The following CALN1 variants were observed in gnomAD, a reference collection of about 807,000 sequenced individuals.
CALN1 encodes the protein calneuron 1, also known as calcium-binding protein 8.
Under a neutral mutation model 30.6 loss-of-function variants are expected in CALN1, and 17 were observed. The ratio of observed to expected loss-of-function variants is 0.56; its 90% CI spans 0.38 to 0.83. The LOEUF is 0.83. Among genes scored for constraint, CALN1 ranks in the 40% least tolerant of loss-of-function variants. The pLI is 0.00. For synonymous variants in CALN1, 156 were observed against 131.4 expected (o/e 1.19, Z -1.28); for missense variants, 291 against 354.9 (o/e 0.82, Z 1.45).
intron 2 of CALN1, among the ~76,000 whole-genome samples, chr7:72,355,037 T>G (rs1024713173): frequency 6.6e-6 from 1 of 152,046 alleles, no homozygotes; most frequent in Non-Finnish European, 1.5e-5. Flanking sequence ...AGCCCCGGAA[T>G]AGCTGGGACT....
At chr7:72,242,551 A>AG (rs1208463851) in intron 3 of CALN1, among the ~76,000 whole-genome samples, 1 of 152,180 alleles carries the variant, frequency 6.6e-6, no homozygotes, top group Non-Finnish European at 1.5e-5. Context: ...AAATGATCAT[A>AG]CCTTCAGGGA....
chr7:71,998,550 A>G (rs1324570557), intron 5 of CALN1, among the ~76,000 whole-genome samples: 5 of 151,866 alleles, frequency 3.3e-5, no homozygotes, highest in African/African-American at 1.2e-4. Flanking sequence ...AGCAACCACT[A>G]CAAAAACTAT....
intron 3 of CALN1, among the ~76,000 whole-genome samples, chr7:72,168,805 A>AT (rs3030351): frequency 0.042 from 5,379 of 128,400 alleles, 300 homozygotes; most frequent in East Asian, 0.12. Flanking sequence ...TATTATTATT[A>AT]TTTTTTTTTT....
intron 3 of CALN1, among the ~76,000 whole-genome samples, chr7:72,261,838 A>C (rs1177051693): frequency 2.0e-5 from 3 of 152,196 alleles, no homozygotes; most frequent in African/African-American, 7.2e-5. Context: ...TGATGAGTAG[A>C]GTTTGGAAGC....
chr7:72,177,748 G>GA (rs1167328422), intron 3 of CALN1, among the ~76,000 whole-genome samples: 9 of 76,562 alleles, frequency 1.2e-4, no homozygotes, highest in African/African-American at 1.6e-4. Context: ...CTGGGCGACA[G>GA]AGGGAAAAAA....
At chr7:72,477,598 T>G in the CALN1 span, among the ~76,000 whole-genome samples, 2 of 152,092 alleles carry the variant, frequency 1.3e-5, no homozygotes, top group Admixed American at 1.3e-4. Context: ...TTTGTTGTTG[T>G]TTTTGTAGAA....
At chr7:72,048,689 CCCCTTCTTCCT>C (rs1364072897) in intron 4 of CALN1, among the ~76,000 whole-genome samples, 1 of 151,292 alleles carries the variant, frequency 6.6e-6, no homozygotes, top group Non-Finnish European at 1.5e-5. Context: ...TTGTCTGCCT[CCCCTTCTTCCT>C]CCCTTCTTTC....
At chr7:72,342,669 A>T (rs1802436943) in intron 2 of CALN1, among the ~76,000 whole-genome samples, 1 of 152,136 alleles carries the variant, frequency 6.6e-6, no homozygotes, top group African/African-American at 2.4e-5. Flanking sequence ...TGGGATTCAG[A>T]GTTACACAAA....
At chr7:71,918,974 T>G (rs1794810283) in intron 5 of CALN1, among the ~76,000 whole-genome samples, 1 of 152,234 alleles carries the variant, frequency 6.6e-6, no homozygotes, top group Non-Finnish European at 1.5e-5. Context: ...TTTAAGAGAC[T>G]TTGGAGAGCA....
intron 1 of CALN1, among the ~76,000 whole-genome samples, chr7:72,425,883 G>A (rs369078407): frequency 3.1e-4 from 47 of 152,284 alleles, no homozygotes; most frequent in African/African-American, 1.1e-3. Context: ...CTACCTGTCG[G>A]CTTTGGGAAA....
At chr7:71,800,200 A>G (rs974029800) in intron 6 of CALN1, among the ~76,000 whole-genome samples, 7 of 152,184 alleles carry the variant, frequency 4.6e-5, no homozygotes, top group African/African-American at 1.7e-4. Flanking sequence ...CAGTGAGCCC[A>G]GAAGTTTCTG....
chr7:71,830,117 C>T (rs1037926739), intron 5 of CALN1, among the ~76,000 whole-genome samples: 11 of 150,800 alleles, frequency 7.3e-5, no homozygotes, highest in Admixed American at 6.6e-5. Context: ...GATCTTGGCT[C>T]ACTGCAACCT....
At chr7:72,007,865 C>G (rs1457497653) in intron 5 of CALN1, among the ~76,000 whole-genome samples, 1 of 152,118 alleles carries the variant, frequency 6.6e-6, no homozygotes, top group Non-Finnish European at 1.5e-5. Flanking sequence ...CTGGGCCCAA[C>G]CTCAAAAGAC....
chr7:72,428,263 G>A (rs1807859313), intron 1 of CALN1, among the ~76,000 whole-genome samples: 1 of 152,088 alleles, frequency 6.6e-6, no homozygotes, highest in African/African-American at 2.4e-5. Context: ...CATAAATTCT[G>A]GACAATATAC....
intron 2 of CALN1, among the ~76,000 whole-genome samples, chr7:72,400,602 G>T (rs956265159): frequency 6.6e-6 from 1 of 152,172 alleles, no homozygotes; most frequent in African/African-American, 2.4e-5. Flanking sequence ...AGGCATCATG[G>T]TTCAAGCCTA....
chr7:72,043,311 C>A (rs1802247515), intron 4 of CALN1, among the ~76,000 whole-genome samples: 1 of 152,176 alleles, frequency 6.6e-6, no homozygotes, highest in African/African-American at 2.4e-5. Context: ...AGGTTCATTG[C>A]CTTCAGCAGT....
upstream of CALN1, among the ~76,000 whole-genome samples, chr7:72,415,795 G>A (rs1246470269): frequency 6.6e-6 from 1 of 152,052 alleles, no homozygotes; most frequent in African/African-American, 2.4e-5. Context: ...CGGGGGGCGC[G>A]GGGGGCATAG....
In CALN1 at chr7:71,926,521, C is replaced by G. The variant is rs533851297; in HGVS notation, c.501+97136G>C. 1.2e-4 allele frequency among the ~76,000 whole-genome samples: 19 copies of G among 152,282 alleles called. No homozygotes were observed. The South Asian group carries it at 3.5e-3, about 28-fold the overall frequency. On this transcript the variant is annotated intron_variant, in intron 5 of 6. Transcript: ENST00000395275. Reference sequence around the variant, plus strand: ...ACAGGGTTCTCTGAGCATCTTGGATCTGTGATTTGATGTCTTATATTATTT... The same window carrying G: ...ACAGGGTTCTCTGAGCATCTTGGATGTGTGATTTGATGTCTTATATTATTT...
intron 5 of CALN1, among the ~76,000 whole-genome samples, chr7:71,814,103 C>A (rs1472516743): frequency 6.6e-6 from 1 of 152,012 alleles, no homozygotes; most frequent in Non-Finnish European, 1.5e-5. Context: ...ACAATGTCAT[C>A]CAGGGTCACT....
Sources: gnomAD v4.1 joint callset for allele counts (sites outside exome capture counted in the v4.1 genomes callset) on GRCh38, gnomAD v4.1.1 for gene constraint, MANE v1.5 for transcripts, NCBI Gene and HGNC (gene_info 2026-07-23, HGNC 2026-07-21) for gene names.